Variants in COQ8A observed in about 807,000 individuals in gnomAD.
COQ8A encodes the protein atypical kinase COQ8A, mitochondrial.
A neutral mutation model predicts 65.0 loss-of-function variants in COQ8A; 51 were observed. The observed-to-expected ratio is 0.78, with a 90% confidence interval of 0.63 to 0.99. The LOEUF is 0.99. Among genes scored for constraint, COQ8A ranks in the 50% least tolerant of loss-of-function variants. The pLI, the probability that COQ8A is intolerant of heterozygous loss-of-function variation, is 0.00. For missense variants in COQ8A, 940 were observed against 875.0 expected, an observed-to-expected ratio of 1.07 and a Z score of -0.94; for synonymous variants, 371 against 353.2, an observed-to-expected ratio of 1.05 and a Z score of -0.57.
At chr1:226,984,968 GTC>G in intron 13 of COQ8A, 27 bp downstream of exon 13, 1 of 1,613,074 alleles carries the variant, frequency 6.2e-7, no homozygotes, top group Non-Finnish European at 8.5e-7. Flanking sequence ...CCTGGCCTTG[GTC>G]CATGTTTTTC....
intron 1 of COQ8A, among the ~76,000 whole-genome samples, chr1:226,956,316 T>C (rs1294032039): frequency 4.7e-4 from 34 of 72,110 alleles, no homozygotes; most frequent in South Asian, 6.0e-4. Flanking sequence ...TCCCTGGCTC[T>C]CACTCTCCCT....
Position 226,973,856 on chromosome 1 carries a change from G to C in COQ8A, c.656-3593G>C, listed in dbSNP as rs1210645631. Among the ~76,000 whole-genome samples the C allele has an allele frequency of 3.3e-5, 5 of 152,210 alleles. No individual in the cohort carries two copies. In the East Asian group the frequency reaches 7.7e-4, roughly 23 times the overall value. On this transcript the variant is annotated intron_variant, in intron 4 of 14. Transcript: ENST00000366777. The stretch of plus-strand genomic sequence containing the variant: ...AAAAGCTGGGCTTAGCGCAGCGCCT[G>C]GTTTATAGTTTGCTGCTGTTTAGCT...
In COQ8A at chr1:226,982,909, G is replaced by T; in HGVS notation, c.955G>T (p.Asp319Tyr). The T allele has an allele frequency of 6.2e-7, 1 of 1,612,712 alleles. No individual in the cohort carries two copies. The highest frequency in any genetic ancestry group is 8.5e-7 in the Non-Finnish European group (1 of 1,179,838). Residue 319 changes from aspartate (D) to tyrosine (Y), a missense_variant, in exon 8 of 15, where the codon GAC becomes TAC. Coordinates refer to ENST00000366777, the MANE Select transcript of COQ8A (RefSeq NM_020247.5). ...TGCCCTTCAGAAAACTCTCAACAAC[G>T]ACCTGGGCCCCAACTGGCGGGACAA... Reference protein sequence around the residue: ...LKQMMKTLNNDLGPNWRDKLE... With the variant: ...LKQMMKTLNNYLGPNWRDKLE...
Position 226,983,680 on chromosome 1 carries a change from ATC to A in COQ8A, c.1162+49_1162+50del, listed in dbSNP as rs779228058. On this transcript the variant is annotated intron_variant, in intron 9 of 14. Coordinates refer to ENST00000366777, the MANE Select transcript of COQ8A (RefSeq NM_020247.5). ...TCAAGGGCAGGAGTGGGTGGCAGGC[ATC>A]TGTGTTGGGTTCTGGGGACCAGAGG... 12 of 1,612,158 alleles carry A rather than the reference ATC, an allele frequency of 7.4e-6. No homozygotes were observed. The East Asian group carries it at 2.5e-4, about 33-fold the overall frequency.
chr1:226,986,552 A>G lies in COQ8A; in HGVS notation c.1759A>G (p.Ile587Val), dbSNP rs776843168. ...TGGCACTCAGAGCACCACCGAGAAG[A>G]TCCACAACCTGATTCCCGTCATGCT... ...DFGTQSTTEKIHNLIPVMLRH... is the reference protein window; with the variant it reads ...DFGTQSTTEKVHNLIPVMLRH... Residue 587 changes from isoleucine (I) to valine (V), a missense_variant, in exon 15 of 15, where the codon ATC becomes GTC. Transcript: ENST00000366777. 3 of 1,613,790 alleles carry G rather than the reference A, an allele frequency of 1.9e-6. No individual in the cohort carries two copies. The highest frequency in any genetic ancestry group is 2.2e-5 in the South Asian group (2 of 91,056).
intron 1 of COQ8A, among the ~76,000 whole-genome samples, chr1:226,958,572 C>T (rs1657953418): frequency 6.6e-6 from 1 of 152,170 alleles, no homozygotes; most frequent in African/African-American, 2.4e-5. Context: ...TCGGGGCCTG[C>T]AGGAACTAGC....
At chr1:226,976,120 CTGGCTGTG>C (rs1223694656) in intron 4 of COQ8A, among the ~76,000 whole-genome samples, 179 of 143,536 alleles carry the variant, frequency 1.2e-3, no homozygotes, top group Non-Finnish European at 1.4e-3. Context: ...GCGATGTTGC[CTGGCTGTG>C]GGGCTGCGGG....
At chr1:226,975,069 C>A (rs752829689) in intron 4 of COQ8A, 5 of 152,248 alleles carry the variant, frequency 3.3e-5, no homozygotes, top group Non-Finnish European at 7.3e-5. Flanking sequence ...CACAGAGAGA[C>A]ATTGGTGAAG....
intron 8 of COQ8A, 140 bp from the exon 9 acceptor site, chr1:226,983,412 G>T: frequency 1.2e-6 from 1 of 808,954 alleles, no homozygotes. Flanking sequence ...CAGCATGGCT[G>T]GGTCTTAGCT....
rs781751337 is a variant in COQ8A, at chr1:226,984,576, T to A, written c.1427T>A (p.Leu476Gln). The change falls in exon 12 of 15, where the codon CTG becomes CAG. Residue 476 changes from leucine to glutamine, a missense_variant. Leu to Gln is a moderately radical substitution (Grantham distance 113, BLOSUM62 -2). Coordinates refer to ENST00000366777, the MANE Select transcript of COQ8A (RefSeq NM_020247.5). The stretch of plus-strand genomic sequence containing the variant: ...TGCTACAACATCCTGGTTCTGTGCC[T>A]GAGGGAGCTGTTCGAGTTCCACTTC... Reference protein sequence around the residue: ...EICYNILVLCLRELFEFHFMQ... With the variant: ...EICYNILVLCQRELFEFHFMQ... 1.2e-6 allele frequency: 2 copies of A among 1,614,102 alleles called. No individual in the cohort carries two copies. Among genetic ancestry groups the A allele is most frequent in the Non-Finnish European group, 1.7e-6 (2 of 1,179,934 alleles).
At chr1:226,956,030 A>T (rs1410151969) in intron 1 of COQ8A, among the ~76,000 whole-genome samples, 4 of 68,040 alleles carry the variant, frequency 5.9e-5, no homozygotes, top group African/African-American at 2.1e-4. Context: ...TCCCTGGTTC[A>T]CACTCTCCCT....
Position 226,985,350 on chromosome 1 carries a change from G to A in COQ8A, c.1659+10G>A. ...CGGCTACGAGGTCAAGGTGAGCAGGGTTGCGGGGGATCCCCTGGGCCTGCT... is the reference window on the plus strand; with the variant it reads ...CGGCTACGAGGTCAAGGTGAGCAGGATTGCGGGGGATCCCCTGGGCCTGCT... On this transcript the variant is annotated intron_variant, in intron 14 of 14. Transcript: ENST00000366777. 1.9e-6 allele frequency: 3 copies of A among 1,613,238 alleles called. No homozygotes were observed. The highest frequency in any genetic ancestry group is 2.5e-6 in the Non-Finnish European group (3 of 1,179,866).
chr1:226,974,697 G>C (rs956682038), intron 4 of COQ8A, among the ~76,000 whole-genome samples: 1 of 152,240 alleles, frequency 6.6e-6, no homozygotes, highest in Admixed American at 6.5e-5. Context: ...CTGGCCAGCT[G>C]GGCTGGTTTC....
intron 2 of COQ8A, among the ~76,000 whole-genome samples, chr1:226,964,444 C>T (rs1023168033): frequency 1.3e-5 from 2 of 152,190 alleles, no homozygotes; most frequent in African/African-American, 4.8e-5. Flanking sequence ...TTCCCTGTAC[C>T]CTGAGCTCTT....
chr1:226,972,646 T>C lies in COQ8A; in HGVS notation c.656-4803T>C, dbSNP rs1417057089. ...GATGCCAGTACACTTCGGATACTGTTAATACACCAGCAGCAAAGCTCTCTC... is the reference window on the plus strand; with the variant it reads ...GATGCCAGTACACTTCGGATACTGTCAATACACCAGCAGCAAAGCTCTCTC... On this transcript the variant is annotated intron_variant, in intron 4 of 14. Coordinates refer to ENST00000366777, the MANE Select transcript of COQ8A (RefSeq NM_020247.5). The surrounding 1 kb of genome is among the most constrained non-coding windows in gnomAD (Gnocchi z 4.3). Among the ~76,000 whole-genome samples, 1 of 152,212 alleles carries C rather than the reference T, an allele frequency of 6.6e-6. No homozygotes were observed. The highest frequency in any genetic ancestry group is 1.5e-5 in the Non-Finnish European group (1 of 68,040).
intron 13 of COQ8A, 52 bp downstream of exon 13, chr1:226,984,993 A>G: frequency 6.2e-7 from 1 of 1,601,718 alleles, no homozygotes; most frequent in South Asian, 1.1e-5. Context: ...AGGCTGGGAC[A>G]GGATGCTGGG....
rs1336150686 is a variant in COQ8A at position 226,986,876 on chromosome 1, A to G, written c.*139A>G. 7.6e-6 allele frequency: 8 copies of G among 1,057,650 alleles called. No individual in the cohort carries two copies. The African/African-American group carries it at 1.1e-4, about 15-fold the overall frequency. 65.5% of individuals were successfully genotyped at this position (1,057,650 alleles called of 1,614,324 possible). A position where few individuals can be genotyped will look rare whatever the true frequency, so the allele number is the denominator to read the frequency against. ...GGTGGCTGCCTGGAGCCCCGTAGCCAGCGCTTTCCACGGTTTCTGTTGCTA... is the reference window on the plus strand; with the variant it reads ...GGTGGCTGCCTGGAGCCCCGTAGCCGGCGCTTTCCACGGTTTCTGTTGCTA... On this transcript the variant is annotated 3_prime_UTR_variant, in exon 15 of 15. Coordinates refer to ENST00000366777, the MANE Select transcript of COQ8A (RefSeq NM_020247.5).
chr1:226,965,787 C>A, intron 4 of COQ8A, 50 bp downstream of exon 4: 1 of 1,565,660 alleles, frequency 6.4e-7, no homozygotes, highest in Non-Finnish European at 8.8e-7. Flanking sequence ...TGCCTGGGCA[C>A]CACGCTGCGG....
intron 4 of COQ8A, among the ~76,000 whole-genome samples, chr1:226,966,784 C>T (rs1457121380): frequency 6.6e-6 from 1 of 152,150 alleles, no homozygotes; most frequent in Non-Finnish European, 1.5e-5. Context: ...AAACCCCATC[C>T]TACTTGTTCA....
Sources: gnomAD v4.1 joint callset for allele counts (sites outside exome capture counted in the v4.1 genomes callset) on GRCh38, gnomAD v4.1.1 for gene constraint, Gnocchi (gnomAD v3.1) non-coding constraint, MANE v1.5 for transcripts, NCBI Gene and HGNC (gene_info 2026-07-23, HGNC 2026-07-21) for gene names.